PCDHGB4: variants seen among roughly 807,000 people sequenced by gnomAD.
PCDHGB4 encodes protocadherin gamma-B4.
Under a neutral mutation model 60.5 loss-of-function variants are expected in PCDHGB4, and 38 were observed. The observed-to-expected ratio is 0.63, with a 90% CI of 0.48 to 0.82. The LOEUF (loss-of-function observed/expected upper bound fraction) is 0.82. PCDHGB4 is among the 40% of genes least tolerant of loss of function. The pLI is 0.00. For synonymous variants in PCDHGB4, 456 were observed against 509.7 expected, an observed-to-expected ratio of 0.89 and a Z score of 1.42; for missense variants, 1,109 against 1,209.6, an observed-to-expected ratio of 0.92 and a Z score of 1.23.
chr5:141,480,816 G>A (rs1400500941), intron 1 of PCDHGB4, among the ~76,000 whole-genome samples: 4 of 152,208 alleles, frequency 2.6e-5, no homozygotes, highest in Admixed American at 2.0e-4. Flanking sequence ...GGAGGCTGAG[G>A]TGGGTGGATC....
chr5:141,486,590 C>T lies in PCDHGB4; in HGVS notation c.2398-8217C>T, dbSNP rs781629297. On this transcript the variant is annotated intron_variant, in intron 1 of 3. Transcript: ENST00000519479. This position sits in a 1 kb window ranked among gnomAD's most constrained non-coding sequence, Gnocchi z 5.0. Reference sequence around the variant, plus strand: ...TCCTGAGAACAATCGCCCAGGGGACCTGCTTTGCTCCCTTGCAGCCTCTGA... The same window carrying T: ...TCCTGAGAACAATCGCCCAGGGGACTTGCTTTGCTCCCTTGCAGCCTCTGA... The T allele has an allele frequency of 6.2e-7, 1 of 1,613,640 alleles. No individual in the cohort carries two copies.
chr5:141,414,710 A>C (rs1253697066), intron 1 of PCDHGB4: 4 of 1,613,836 alleles, frequency 2.5e-6, no homozygotes, highest in African/African-American at 1.3e-5. Flanking sequence ...ATATCCATCA[A>C]CTCAGACACT....
chr5:141,389,691 T>G lies in PCDHGB4; in HGVS notation c.1807T>G (p.Ser603Ala). Residue 603 changes from serine (S) to alanine (A), a missense_variant, in exon 1 of 4, where the codon TCC (serine) becomes GCC (alanine). Physicochemically the swap from Ser to Ala is moderately conservative, Grantham distance 99. Around this residue, in one of 2 missense-constraint regions of PCDHGB4, gnomAD observed 1,068 missense variants for 1,089.9 expected, o/e 0.98. Coordinates refer to ENST00000519479, the MANE Select transcript of PCDHGB4 (RefSeq NM_003736.4). ...AGACTCAGGACACAACGCCTGGCTG[T>G]CCTACCACGTGCTGCAGGCTAGCGA... ...DADSGHNAWL[S>A]YHVLQASEPG... 1 of 1,612,564 alleles carries G rather than the reference T, an allele frequency of 6.2e-7. No homozygotes were observed. Among genetic ancestry groups the G allele is most frequent in the Non-Finnish European group, 8.5e-7 (1 of 1,179,796 alleles).
At chr5:141,440,431 A>G (rs1338519888) in intron 1 of PCDHGB4, 1 of 152,222 alleles carries the variant, frequency 6.6e-6, no homozygotes, top group Non-Finnish European at 1.5e-5. Flanking sequence ...TGGGTGACAG[A>G]GCAAGGCGCC....
intron 1 of PCDHGB4, chr5:141,393,085 A>T (rs1350561914): frequency 5.6e-6 from 9 of 1,613,542 alleles, no homozygotes; most frequent in Non-Finnish European, 7.6e-6. Flanking sequence ...GGCAGGATAG[A>T]TCGGGAGGAG....
Position 141,388,906 on chromosome 5 carries a change from A to ACG in PCDHGB4, c.1024_1025dup (p.Glu344GlnfsTer3), listed in dbSNP as rs890479246. 1.2e-6 allele frequency: 2 copies of ACG among 1,614,016 alleles called. No individual in the cohort carries two copies. The highest frequency in any genetic ancestry group is 3.3e-5 in the Admixed American group (2 of 60,032). ...GTAGAAGTCATAGATGAAAATGACA[A>ACG]CGCCCCAGAAGTGATATTCCAGTCT... On this transcript the variant is annotated frameshift_variant, in exon 1 of 4. Transcript: ENST00000519479. LOFTEE classifies it high-confidence loss of function.
intron 1 of PCDHGB4, chr5:141,414,590 G>C (rs1287207695): frequency 1.2e-6 from 2 of 1,613,936 alleles, no homozygotes; most frequent in South Asian, 1.1e-5. Flanking sequence ...AACGCCAGGG[G>C]TGCCTCCATC....
At chr5:141,450,241 C>T (rs1236675009) in intron 1 of PCDHGB4, among the ~76,000 whole-genome samples, 1 of 152,094 alleles carries the variant, frequency 6.6e-6, no homozygotes, top group East Asian at 1.9e-4. Flanking sequence ...TAGTCTTGAA[C>T]TCCTGACCTC....
chr5:141,394,013 T>C, intron 1 of PCDHGB4: 1 of 1,613,384 alleles, frequency 6.2e-7, no homozygotes, highest in Non-Finnish European at 8.5e-7. Flanking sequence ...CAATAGGTAA[T>C]TATTATAGAT....
In PCDHGB4 at chr5:141,496,208, G is replaced by T. The variant is rs530974273; in HGVS notation, c.2456+1343G>T. On this transcript the variant is annotated intron_variant, in intron 2 of 3. Coordinates refer to ENST00000519479, the MANE Select transcript of PCDHGB4 (RefSeq NM_003736.4). Reference sequence around the variant, plus strand: ...CCAGCTGCTCATTTCAATCTGGTATGAATTCCTGCTGAGACAGGAACCCCC... The same window carrying T: ...CCAGCTGCTCATTTCAATCTGGTATTAATTCCTGCTGAGACAGGAACCCCC... Among the ~76,000 whole-genome samples, 13 of 152,222 alleles carry T rather than the reference G, an allele frequency of 8.5e-5. No homozygotes were observed. In the East Asian group the frequency reaches 2.3e-3, roughly 27 times the overall value.
At position 141,432,993 on chromosome 5, in the gene PCDHGB4, G is replaced by C. The variant is rs749499789; in HGVS notation, c.2397+42712G>C. 7 of 1,614,208 alleles carry C rather than the reference G, an allele frequency of 4.3e-6. No homozygotes were observed. In the South Asian group the frequency reaches 7.7e-5, roughly 18 times the overall value. On this transcript the variant is annotated intron_variant, in intron 1 of 3. Transcript: ENST00000519479. This position sits in a 1 kb window ranked among gnomAD's most constrained non-coding sequence, Gnocchi z 6.0. ...GCGTCGCACTTTGTGGGCGTGGACG[G>C]GGTGCAGGCTTTCCTGCAGACCTAT...
intron 1 of PCDHGB4, among the ~76,000 whole-genome samples, chr5:141,472,913 G>A (rs1049221725): frequency 2.0e-5 from 3 of 147,764 alleles, no homozygotes; most frequent in African/African-American, 2.5e-5. Context: ...TTGAACCCAA[G>A]AGGAGGAGGT....
chr5:141,487,848 G>C lies in PCDHGB4; in HGVS notation c.2398-6959G>C. ...TCATGCCTATATCTGAGTAAGAAAT[G>C]AAAGTAATTGGTGATCAAGAGCCAG... is the stretch of plus-strand genomic sequence containing the variant. On this transcript the variant is annotated intron_variant, in intron 1 of 3. Coordinates refer to ENST00000519479, the MANE Select transcript of PCDHGB4 (RefSeq NM_003736.4). The surrounding 1 kb of genome is among the most constrained non-coding windows in gnomAD (Gnocchi z 5.0). 1 of 1,022,244 alleles carries C rather than the reference G, an allele frequency of 9.8e-7. No homozygotes were observed. The highest frequency in any genetic ancestry group is 1.4e-6 in the Non-Finnish European group (1 of 711,992). The allele number at this position is 1,022,244 out of a possible 1,614,324, so 63.3% of individuals were successfully genotyped here. A position where few individuals can be genotyped will look rare whatever the true frequency, so the allele number is the denominator to read the frequency against.
At chr5:141,497,464 TGGA>T (rs769464389) in intron 2 of PCDHGB4, among the ~76,000 whole-genome samples, 3 of 151,764 alleles carry the variant, frequency 2.0e-5, no homozygotes, top group Non-Finnish European at 4.4e-5. Context: ...CTTGGAGATA[TGGA>T]GGAGAAGGTG....
At chr5:141,446,035 A>G (rs1300621298) in intron 1 of PCDHGB4, among the ~76,000 whole-genome samples, 1 of 152,222 alleles carries the variant, frequency 6.6e-6, no homozygotes, top group Non-Finnish European at 1.5e-5. Context: ...CTGGTAAGAA[A>G]TGGAAGAAGA....
At chr5:141,505,616 C>T in intron 3 of PCDHGB4, 135 bp downstream of exon 3, 2 of 1,503,162 alleles carry the variant, frequency 1.3e-6, no homozygotes, top group South Asian at 1.3e-5. Flanking sequence ...CTGAAAGGAC[C>T]CACAATTCCA....
In PCDHGB4 at chr5:141,477,524, A is replaced by G. The variant is rs1302186932; in HGVS notation, c.2398-17283A>G. The stretch of plus-strand genomic sequence containing the variant: ...CTACGACGTTTACATTGAAGAAAAC[A>G]ACCTCCCCGGGGCTCCAATACTAAA... On this transcript the variant is annotated intron_variant, in intron 1 of 3. Coordinates refer to ENST00000519479, the MANE Select transcript of PCDHGB4 (RefSeq NM_003736.4). The surrounding 1 kb of genome is among the most constrained non-coding windows in gnomAD (Gnocchi z 4.9). The G allele has an allele frequency of 1.2e-6, 2 of 1,614,122 alleles. No individual in the cohort carries two copies. Among genetic ancestry groups the G allele is most frequent in the Non-Finnish European group, 1.7e-6 (2 of 1,180,022 alleles).
intron 1 of PCDHGB4, chr5:141,430,826 CT>C (rs765096486): frequency 1.3e-6 from 2 of 1,550,416 alleles, no homozygotes; most frequent in East Asian, 2.2e-5. Flanking sequence ...CCTGGGGACT[CT>C]GTGGGAGACC....
At chr5:141,413,407 CT>C (rs758693256) in intron 1 of PCDHGB4, 3 of 1,613,926 alleles carry the variant, frequency 1.9e-6, no homozygotes, top group Non-Finnish European at 2.5e-6. Flanking sequence ...TAGGACGCAG[CT>C]TTTCTCTCTG....
Sources: allele counts gnomAD v4.1 joint callset (sites outside exome capture counted in the v4.1 genomes callset), GRCh38; gene constraint gnomAD v4.1.1; regional missense constraint gnomAD v4.1.1; non-coding constraint Gnocchi (gnomAD v3.1); transcripts MANE v1.5; gene names NCBI Gene and HGNC (gene_info 2026-07-23, HGNC 2026-07-21).